Variants in CDHR3 observed in about 807,000 individuals in gnomAD.
CDHR3 encodes cadherin-related family member 3.
Under a neutral mutation model 86.6 loss-of-function variants are expected in CDHR3, and 79 were observed. The ratio of observed to expected loss-of-function variants is 0.91; its 90% CI spans 0.76 to 1.10. The LOEUF (loss-of-function observed/expected upper bound fraction) is 1.10. CDHR3 is among the 50% of genes least tolerant of loss of function. CDHR3 has a pLI of 0.00. For missense variants in CDHR3, 1,081 were observed against 1,077.6 expected, an observed-to-expected ratio of 1.00 and a Z score of -0.04; for synonymous variants, 421 against 402.4, an observed-to-expected ratio of 1.05 and a Z score of -0.55.
intron 14 of CDHR3, among the ~76,000 whole-genome samples, chr7:106,023,433 C>G (rs544037537): frequency 2.6e-5 from 4 of 152,146 alleles, no homozygotes; most frequent in Admixed American, 6.5e-5. Context: ...ACAGAATTGG[C>G]CTGGAGAAGG....
chr7:106,031,877 T>C (rs984710041), intron 18 of CDHR3, among the ~76,000 whole-genome samples: 1 of 152,194 alleles, frequency 6.6e-6, no homozygotes, highest in African/African-American at 2.4e-5. Context: ...AATGGCTTCC[T>C]TGTATCATCT....
chr7:105,982,915 C>T (rs554989687), intron 3 of CDHR3, among the ~76,000 whole-genome samples: 31 of 147,590 alleles, frequency 2.1e-4, no homozygotes, highest in African/African-American at 6.5e-4. Context: ...CCTGGGAGGT[C>T]GAGGCTGCAG....
At chr7:106,024,087 A>T (rs1836992441) in intron 14 of CDHR3, among the ~76,000 whole-genome samples, 1 of 152,216 alleles carries the variant, frequency 6.6e-6, no homozygotes, top group Admixed American at 6.5e-5. Flanking sequence ...ATATGGCAGA[A>T]AAAAAGCCAA....
intron 4 of CDHR3, among the ~76,000 whole-genome samples, chr7:105,987,148 G>A (rs1197472851): frequency 2.0e-5 from 3 of 152,108 alleles, no homozygotes; most frequent in East Asian, 3.8e-4. Context: ...TCAGAGGAAG[G>A]AAAGCTGCCC....
chr7:106,027,375 C>A (rs150336934), intron 16 of CDHR3, among the ~76,000 whole-genome samples: 87 of 147,316 alleles, frequency 5.9e-4, no homozygotes, highest in African/African-American at 1.9e-3. Context: ...CCAGACTGGG[C>A]GACATAGTGA....
At position 105,981,091 on chromosome 7, in the gene CDHR3, G is replaced by A; in HGVS notation, c.373G>A (p.Asp125Asn). 1 of 1,613,674 alleles carries A rather than the reference G, an allele frequency of 6.2e-7. No individual in the cohort carries two copies. Among genetic ancestry groups the A allele is most frequent in the Non-Finnish European group, 8.5e-7 (1 of 1,179,766 alleles). ...DLQVLTVQVT[D>N]VNEPPQFQGN... ...GCAAGTCCTGACTGTCCAGGTAACA[G>A]ATGTGAACGAGCCACCTCAGTTTCA... Residue 125 changes from aspartate (D) to asparagine (N), a missense_variant, in exon 3 of 19, where the codon GAT becomes AAT. Coordinates refer to ENST00000317716, the MANE Select transcript of CDHR3 (RefSeq NM_152750.5).
chr7:105,998,046 G>T (rs2115769023), intron 6 of CDHR3, among the ~76,000 whole-genome samples: 1 of 152,246 alleles, frequency 6.6e-6, no homozygotes, highest in South Asian at 2.1e-4. Flanking sequence ...GTGGGGGCAG[G>T]GTGGCTGCCC....
chr7:106,026,624 G>A, intron 15 of CDHR3, 58 bp from the exon 16 acceptor site: 1 of 1,583,752 alleles, frequency 6.3e-7, no homozygotes, highest in South Asian at 1.1e-5. Context: ...GGTGTCATGT[G>A]TGTGCCAGTG....
chr7:105,984,134 A>G (rs1830184388), intron 3 of CDHR3, 58 bp from the exon 4 acceptor site: 2 of 1,071,148 alleles, frequency 1.9e-6, no homozygotes, highest in Non-Finnish European at 2.7e-6. Flanking sequence ...TTGATTTTGG[A>G]ATTCCCCATT....
At position 106,032,853 on chromosome 7, in the gene CDHR3, A is replaced by C; in HGVS notation, c.*156A>C. 1.5e-6 allele frequency: 1 copy of C among 676,800 alleles called. No homozygotes were observed. The highest frequency in any genetic ancestry group is 2.4e-6 in the Non-Finnish European group (1 of 408,724). The allele number at this position is 676,800 out of a possible 1,614,324, so 41.9% of individuals were successfully genotyped here. ...GGATGTTTGACAAATTTTTAAACAA[A>C]TAGAAAGGGGTTTGATCACATAGTT... On this transcript the variant is annotated 3_prime_UTR_variant, in exon 19 of 19. Transcript: ENST00000317716.
At chr7:105,984,149 C>T in intron 3 of CDHR3, 43 bp from the exon 4 acceptor site, 5 of 1,309,300 alleles carry the variant, frequency 3.8e-6, no homozygotes, top group South Asian at 3.2e-5. Flanking sequence ...CCCATTTTTG[C>T]TTTAATAAGA....
At chr7:106,024,246 T>C (rs368211294) in intron 14 of CDHR3, 135 bp from the exon 15 acceptor site, 2 of 719,662 alleles carry the variant, frequency 2.8e-6, no homozygotes, top group Non-Finnish European at 4.5e-6. Flanking sequence ...CAGCAAGAAC[T>C]GTGAGCACAC....
At chr7:105,996,084 G>T (rs1301026374) in intron 5 of CDHR3, among the ~76,000 whole-genome samples, 166 bp from the exon 6 acceptor site, 4 of 152,168 alleles carry the variant, frequency 2.6e-5, no homozygotes, top group Non-Finnish European at 4.4e-5. Flanking sequence ...GACGGGGGGA[G>T]AAAGGTCACC....
intron 17 of CDHR3, among the ~76,000 whole-genome samples, chr7:106,029,094 C>G (rs1416712818): frequency 1.3e-5 from 2 of 151,938 alleles, no homozygotes; most frequent in African/African-American, 4.8e-5. Flanking sequence ...ATTCTCATGC[C>G]TCGGCCTCCC....
In CDHR3 at chr7:106,001,476, A is replaced by G. The variant is rs762931277; in HGVS notation, c.728A>G (p.Tyr243Cys). The stretch of plus-strand genomic sequence containing the variant: ...CTCTGTTCCAGCCCGACACGAGTGT[A>G]CACAGTCCTGGAGGAACTGAGTCCA... The part of the protein sequence containing the change: ...VPRFTSPTRV[Y>C]TVLEELSPGT... Residue 243 changes from tyrosine (Y) to cysteine (C), a missense_variant, in exon 7 of 19, where the codon TAC (tyrosine) becomes TGC (cysteine). Transcript: ENST00000317716. 2 of 1,614,018 alleles carry G rather than the reference A, an allele frequency of 1.2e-6. No homozygotes were observed. The highest frequency in any genetic ancestry group is 1.1e-5 in the South Asian group (1 of 91,080).
chr7:106,016,132 GCA>G (rs1207470328), intron 11 of CDHR3, 107 bp downstream of exon 11: 1 of 678,176 alleles, frequency 1.5e-6, no homozygotes, highest in Non-Finnish European at 2.6e-6. Flanking sequence ...ATGCTGTTTT[GCA>G]CAGTGATTCA....
At chr7:106,003,989 C>CAAAAAAAAAAAAAAAAAAAA (rs55815648) in intron 7 of CDHR3, among the ~76,000 whole-genome samples, 14 of 79,922 alleles carry the variant, frequency 1.8e-4, no homozygotes, top group Non-Finnish European at 2.1e-4. Flanking sequence ...CCAACCTAAC[C>CAAAAAAAAAAAAAAAAAAAA]AAAAAAAAAA....
chr7:106,008,344 C>T (rs1023973715), intron 8 of CDHR3, among the ~76,000 whole-genome samples: 3 of 152,150 alleles, frequency 2.0e-5, no homozygotes, highest in Admixed American at 6.5e-5. Context: ...ATCTCCATTC[C>T]CAAAAGCAGC....
At chr7:106,022,585 T>C in intron 14 of CDHR3, 137 bp downstream of exon 14, 4 of 1,269,914 alleles carry the variant, frequency 3.1e-6, no homozygotes, top group Non-Finnish European at 4.4e-6. Context: ...ATGGCAACCA[T>C]GGGCTGGACT....
Sources: gnomAD v4.1 joint callset for allele counts (sites outside exome capture counted in the v4.1 genomes callset) on GRCh38, gnomAD v4.1.1 for gene constraint, MANE v1.5 for transcripts, NCBI Gene and HGNC (gene_info 2026-07-23, HGNC 2026-07-21) for gene names.